LYRM4: variants seen among roughly 807,000 people sequenced by gnomAD.
The protein encoded by LYRM4 is LYR motif-containing protein 4.
A neutral mutation model predicts 11.7 loss-of-function variants in LYRM4; 9 were observed. The ratio of observed to expected loss-of-function variants is 0.77; its 90% confidence interval spans 0.46 to 1.34. LYRM4 has a LOEUF of 1.34. Among genes scored for constraint, LYRM4 ranks in the 40% most tolerant of loss-of-function variants. LYRM4 has a pLI of 0.00. For synonymous variants in LYRM4, 42 were observed against 40.4 expected (o/e 1.04, Z -0.15); for missense variants, 133 against 112.5 (o/e 1.18, Z -0.82).
the LYRM4 span, among the ~76,000 whole-genome samples, chr6:5,070,245 T>G: frequency 6.6e-6 from 1 of 152,114 alleles, no homozygotes; most frequent in African/African-American, 2.4e-5. Context: ...AAAGACCAAT[T>G]AGACACAGTC....
chr6:5,155,786 T>C (rs1292841244), intron 2 of LYRM4, among the ~76,000 whole-genome samples: 1 of 152,188 alleles, frequency 6.6e-6, no homozygotes, highest in African/African-American at 2.4e-5. Flanking sequence ...CTTAGGAAAG[T>C]TTAAGGCATT....
the LYRM4 span, among the ~76,000 whole-genome samples, chr6:5,060,973 ACT>A: frequency 6.6e-6 from 1 of 152,132 alleles, no homozygotes; most frequent in Non-Finnish European, 1.5e-5. Context: ...TTTATCCTAT[ACT>A]GTTCTGTGTT....
the LYRM4 span, among the ~76,000 whole-genome samples, chr6:5,069,621 T>C: frequency 4.9e-4 from 75 of 152,018 alleles, 1 homozygote; most frequent in Non-Finnish European, 1.8e-4. Flanking sequence ...GCTGGGACTA[T>C]AGGCATGCGC....
At chr6:5,177,983 C>G (rs1759817882) in intron 2 of LYRM4, among the ~76,000 whole-genome samples, 1 of 147,110 alleles carries the variant, frequency 6.8e-6, no homozygotes, top group African/African-American at 2.6e-5. Flanking sequence ...TCTCACTATA[C>G]CCACATATGC....
chr6:5,227,148 G>GA (rs1325010789), intron 1 of LYRM4, among the ~76,000 whole-genome samples: 1 of 152,204 alleles, frequency 6.6e-6, no homozygotes, highest in Admixed American at 6.5e-5. Flanking sequence ...TAGGCTGCCA[G>GA]AAATAAGGTT....
At chr6:5,090,783 C>T in the LYRM4 span, among the ~76,000 whole-genome samples, 3 of 152,190 alleles carry the variant, frequency 2.0e-5, no homozygotes, top group Non-Finnish European at 4.4e-5. This position sits in a 1 kb window ranked among gnomAD's most constrained non-coding sequence, Gnocchi z 4.8. Context: ...GTGTCGGATT[C>T]TTCATACGTC....
At chr6:5,041,360 A>G in the LYRM4 span, among the ~76,000 whole-genome samples, 3 of 152,170 alleles carry the variant, frequency 2.0e-5, no homozygotes, top group African/African-American at 7.2e-5. Context: ...CATAAATTAC[A>G]TATTCCGTTT....
the LYRM4 span, among the ~76,000 whole-genome samples, chr6:5,072,261 A>G: frequency 6.6e-6 from 1 of 152,120 alleles, no homozygotes; most frequent in Non-Finnish European, 1.5e-5. Flanking sequence ...TGTCTTTGCT[A>G]TTGTGATTAG....
Position 5,260,786 on chromosome 6 carries a change from A to G in LYRM4, c.-53T>C. On this transcript the variant is annotated 5_prime_UTR_variant, in exon 1 of 3. Transcript: ENST00000330636. ...CCTCTTCGCCGAGGTCCCAAGTACGACCCAACCCACGAAACTCCAGCCTGT... is the reference window on the plus strand; with the variant it reads ...CCTCTTCGCCGAGGTCCCAAGTACGGCCCAACCCACGAAACTCCAGCCTGT... The G allele has an allele frequency of 6.5e-7, 1 of 1,534,688 alleles. No homozygotes were observed. Among genetic ancestry groups the G allele is most frequent in the Non-Finnish European group, 8.7e-7 (1 of 1,145,938 alleles).
chr6:5,089,533 G>T, the LYRM4 span: 1 of 152,126 alleles, frequency 6.6e-6, no homozygotes, highest in Non-Finnish European at 1.5e-5. Context: ...CATTAAATCT[G>T]GACTCAAACA....
At chr6:5,091,785 A>G in the LYRM4 span, among the ~76,000 whole-genome samples, 1 of 152,376 alleles carries the variant, frequency 6.6e-6, no homozygotes, top group East Asian at 1.9e-4. Flanking sequence ...AGCAAGTTCA[A>G]CCAGAAACTC....
the LYRM4 span, among the ~76,000 whole-genome samples, chr6:5,074,070 C>T: frequency 3.3e-5 from 5 of 152,144 alleles, no homozygotes; most frequent in Admixed American, 3.3e-4. Flanking sequence ...CTCATCTGCT[C>T]CTTATTTGTC....
chr6:5,124,260 C>T (rs747999370), intron 2 of LYRM4, among the ~76,000 whole-genome samples: 2 of 152,184 alleles, frequency 1.3e-5, no homozygotes, highest in Non-Finnish European at 2.9e-5. Flanking sequence ...AAGCCTTGGC[C>T]TCCACACCAG....
chr6:5,142,306 C>A (rs1189721012), intron 2 of LYRM4, among the ~76,000 whole-genome samples: 3 of 152,078 alleles, frequency 2.0e-5, no homozygotes, highest in South Asian at 4.1e-4. Context: ...TACAGTGAGG[C>A]CATATGTGCT....
At chr6:5,038,814 C>A in the LYRM4 span, among the ~76,000 whole-genome samples, 39 of 52,968 alleles carry the variant, frequency 7.4e-4, 15 homozygotes, top group African/African-American at 1.8e-3. Flanking sequence ...TGCAGCGAGC[C>A]GAGATGGCAG....
At chr6:5,079,138 C>T in the LYRM4 span, among the ~76,000 whole-genome samples, 4 of 151,944 alleles carry the variant, frequency 2.6e-5, no homozygotes, top group Non-Finnish European at 5.9e-5. Flanking sequence ...AAATAAAAAC[C>T]CAAAGAAGTG....
intron 2 of LYRM4, among the ~76,000 whole-genome samples, chr6:5,115,383 C>T (rs1223036040): frequency 6.6e-6 from 1 of 152,198 alleles, no homozygotes; most frequent in African/African-American, 2.4e-5. Context: ...ACACGCTTCT[C>T]CCCATGTAGC....
intron 2 of LYRM4, among the ~76,000 whole-genome samples, chr6:5,111,776 C>T (rs1467416852): frequency 6.6e-6 from 1 of 152,252 alleles, no homozygotes; most frequent in East Asian, 1.9e-4. Context: ...AACAGGACAG[C>T]TGGGCTGCAG....
chr6:5,162,358 C>T (rs189010968), intron 2 of LYRM4, among the ~76,000 whole-genome samples: 37 of 152,326 alleles, frequency 2.4e-4, no homozygotes, highest in Middle Eastern at 3.4e-3. Flanking sequence ...AAGAGGCCTC[C>T]TTACTTCATC....
Sources: gnomAD v4.1 joint callset for allele counts (sites outside exome capture counted in the v4.1 genomes callset) on GRCh38, gnomAD v4.1.1 for gene constraint, Gnocchi (gnomAD v3.1) non-coding constraint, MANE v1.5 for transcripts, NCBI Gene and HGNC (gene_info 2026-07-23, HGNC 2026-07-21) for gene names.